The following BCL2 variants were observed in gnomAD, a reference collection of about 807,000 sequenced individuals.
The protein encoded by BCL2 is apoptosis regulator Bcl-2.
Under a neutral mutation model 14.2 loss-of-function variants are expected in BCL2, and 1 was observed. The ratio of observed to expected loss-of-function variants is 0.07; its 90% CI spans 0.02 to 0.33. The LOEUF is 0.33. Ranked by LOEUF, BCL2 falls within the 10% of genes least tolerant of loss-of-function variation. The probability of loss-of-function intolerance (pLI) is 0.99; values close to 1 mark genes in which losing one functional copy is unlikely to be tolerated. For missense variants in BCL2, 247 were observed against 305.9 expected, an observed-to-expected ratio of 0.81 and a Z score of 1.44; for synonymous variants, 151 against 137.2, an observed-to-expected ratio of 1.10 and a Z score of -0.70.
chr18:63,255,705 C>T (rs1911453426), intron 2 of BCL2, among the ~76,000 whole-genome samples: 1 of 152,108 alleles, frequency 6.6e-6, no homozygotes, highest in South Asian at 2.1e-4. Flanking sequence ...CATGGGAAGA[C>T]AATATCTAAA....
intron 2 of BCL2, among the ~76,000 whole-genome samples, chr18:63,312,722 C>A (rs1253679869): frequency 1.3e-5 from 2 of 152,186 alleles, no homozygotes; most frequent in Non-Finnish European, 2.9e-5. Flanking sequence ...TGGTTCAAAA[C>A]CTACTTGTAT....
At chr18:63,209,972 CCCTCA>C (rs1324456851) in intron 2 of BCL2, among the ~76,000 whole-genome samples, 2 of 152,104 alleles carry the variant, frequency 1.3e-5, no homozygotes, top group African/African-American at 4.8e-5. Flanking sequence ...GTGCATGATC[CCCTCA>C]AAGACAGTGT....
chr18:63,243,375 G>A (rs151303388), intron 2 of BCL2, among the ~76,000 whole-genome samples: 1 of 152,280 alleles, frequency 6.6e-6, no homozygotes, highest in East Asian at 1.9e-4. Flanking sequence ...GATGAAGGGT[G>A]GGAGGAGGGA....
intron 2 of BCL2, among the ~76,000 whole-genome samples, chr18:63,308,034 G>T (rs1483085157): frequency 6.6e-6 from 1 of 152,196 alleles, no homozygotes; most frequent in African/African-American, 2.4e-5. Context: ...ACGGATGAGG[G>T]TTCTCAAAAT....
intron 2 of BCL2, among the ~76,000 whole-genome samples, chr18:63,251,021 G>A (rs1260661392): frequency 6.6e-6 from 1 of 152,096 alleles, no homozygotes; most frequent in African/African-American, 2.4e-5. Flanking sequence ...TCTTGGCTGG[G>A]TTATGAATTG....
At chr18:63,280,898 G>C (rs1912290582) in intron 2 of BCL2, among the ~76,000 whole-genome samples, 1 of 152,176 alleles carries the variant, frequency 6.6e-6, no homozygotes, top group Admixed American at 6.5e-5. Context: ...GTTCATAGCA[G>C]CATTATTCAC....
At chr18:63,131,962 C>T (rs903524230) in intron 2 of BCL2, among the ~76,000 whole-genome samples, 1 of 152,220 alleles carries the variant, frequency 6.6e-6, no homozygotes, top group Non-Finnish European at 1.5e-5. Context: ...CCTCTCACCA[C>T]CCTCACCCCC....
At position 63,124,745 on chromosome 18, in the gene BCL2, T is replaced by C; in HGVS notation, c.*3880A>G. ...AGAATTGTATTTCTTAAAAAGTGTG[T>C]AACCACATTTGTCTGGGCTGCAAAA... On this transcript the variant is annotated 3_prime_UTR_variant, in exon 3 of 3. Transcript: ENST00000333681. 1 of 230,150 alleles carries C rather than the reference T, an allele frequency of 4.3e-6. No homozygotes were observed. The highest frequency in any genetic ancestry group is 8.6e-6 in the Non-Finnish European group (1 of 115,748). The allele number at this position is 230,150 out of a possible 1,614,324, so 14.3% of individuals were successfully genotyped here.
chr18:63,155,009 C>G (rs191485206), intron 2 of BCL2, among the ~76,000 whole-genome samples: 1 of 152,320 alleles, frequency 6.6e-6, no homozygotes, highest in African/African-American at 2.4e-5. Flanking sequence ...GAGCCTAGAA[C>G]GTTCAGTTAT....
At chr18:63,284,380 G>A (rs929301799) in intron 2 of BCL2, among the ~76,000 whole-genome samples, 4 of 152,154 alleles carry the variant, frequency 2.6e-5, no homozygotes, top group Non-Finnish European at 4.4e-5. Flanking sequence ...AGGAAGTCAC[G>A]TATACTTTTG....
chr18:63,237,251 G>C (rs185699781), intron 2 of BCL2, among the ~76,000 whole-genome samples: 9 of 146,834 alleles, frequency 6.1e-5, no homozygotes, highest in East Asian at 1.9e-4. Context: ...GTAAACAGGC[G>C]GGGGGGAGGT....
intron 2 of BCL2, among the ~76,000 whole-genome samples, chr18:63,174,133 C>T (rs1374322626): frequency 6.6e-6 from 1 of 152,160 alleles, no homozygotes; most frequent in Non-Finnish European, 1.5e-5. Flanking sequence ...GACACATACA[C>T]ATATGTATAT....
intron 2 of BCL2, among the ~76,000 whole-genome samples, chr18:63,184,452 A>G (rs1915545872): frequency 6.6e-6 from 1 of 152,238 alleles, no homozygotes; most frequent in Admixed American, 6.5e-5. Context: ...CCCCTAAGAG[A>G]TGGATCTGGC....
At chr18:63,157,759 C>A (rs1023711017) in intron 2 of BCL2, among the ~76,000 whole-genome samples, 1 of 152,152 alleles carries the variant, frequency 6.6e-6, no homozygotes, top group Admixed American at 6.5e-5. Context: ...CCTTCCCAAA[C>A]ACTGAAATAG....
chr18:63,317,506 A>G, intron 2 of BCL2: 1 of 967,580 alleles, frequency 1.0e-6, no homozygotes, highest in Non-Finnish European at 1.2e-6. Context: ...AACACAACTA[A>G]GTTTTTCAGG....
intron 2 of BCL2, among the ~76,000 whole-genome samples, chr18:63,196,691 C>T (rs957354755): frequency 8.6e-5 from 13 of 152,038 alleles, no homozygotes; most frequent in Admixed American, 2.0e-4. Flanking sequence ...CTTTATCATA[C>T]GGGATAAAAT....
At chr18:63,193,397 C>A (rs1909341552) in intron 2 of BCL2, among the ~76,000 whole-genome samples, 1 of 151,818 alleles carries the variant, frequency 6.6e-6, no homozygotes, top group South Asian at 2.1e-4. Context: ...TTCTCTCTTC[C>A]CCTAGGCCCT....
At chr18:63,236,625 T>C (rs1340316242) in intron 2 of BCL2, among the ~76,000 whole-genome samples, 1 of 152,222 alleles carries the variant, frequency 6.6e-6, no homozygotes, top group Non-Finnish European at 1.5e-5. Context: ...GAAACCAGAC[T>C]GCTCCAGTCA....
intron 2 of BCL2, among the ~76,000 whole-genome samples, chr18:63,210,617 C>T (rs770177237): frequency 5.9e-5 from 9 of 152,294 alleles, no homozygotes; most frequent in South Asian, 2.1e-4. Flanking sequence ...GAACTTCTAA[C>T]GAATGAAAGA....
Sources: gnomAD v4.1 joint callset for allele counts (sites outside exome capture counted in the v4.1 genomes callset) on GRCh38, gnomAD v4.1.1 for gene constraint, MANE v1.5 for transcripts, NCBI Gene and HGNC (gene_info 2026-07-23, HGNC 2026-07-21) for gene names.